GUCY1A2: variants seen among roughly 807,000 people sequenced by gnomAD.
GUCY1A2 encodes the protein guanylate cyclase 1 soluble subunit alpha 2.
GUCY1A2 carries 27 observed loss-of-function variants against 63.5 expected under a neutral mutation model. That is an observed-to-expected ratio of 0.43 (90% CI 0.31 to 0.59). GUCY1A2 has a LOEUF of 0.59. Ranked by LOEUF, GUCY1A2 falls within the 20% of genes least tolerant of loss-of-function variation. The pLI is 0.11. For synonymous variants in GUCY1A2, 364 were observed against 343.5 expected, an observed-to-expected ratio of 1.06 and a Z score of -0.66; for missense variants, 768 against 913.3, an observed-to-expected ratio of 0.84 and a Z score of 2.05.
At chr11:106,839,800 A>G (rs11211943) in intron 4 of GUCY1A2, among the ~76,000 whole-genome samples, 40,580 of 144,966 alleles carry the variant, frequency 0.28, 5,771 homozygotes, top group Admixed American at 0.37. Flanking sequence ...ACAGGTGGGA[A>G]TTGAACAATG....
chr11:106,732,062 T>G (rs749602150), intron 6 of GUCY1A2, among the ~76,000 whole-genome samples: 1 of 152,170 alleles, frequency 6.6e-6, no homozygotes, highest in African/African-American at 2.4e-5. Context: ...AAAATTCATA[T>G]GGAACCAAAA....
At chr11:106,904,775 A>T (rs892834390) in intron 4 of GUCY1A2, among the ~76,000 whole-genome samples, 1 of 152,096 alleles carries the variant, frequency 6.6e-6, no homozygotes, top group Non-Finnish European at 1.5e-5. Flanking sequence ...CTCAAAAAAA[A>T]ACAGAGAGGA....
In GUCY1A2 at chr11:106,749,306, G is replaced by A. The variant is rs181836053; in HGVS notation, c.1836+27133C>T. ...TAAGCGACACATAAATAACTGTAAT[G>A]TATGTATTGTCCACAAGAGAAAATA... On this transcript the variant is annotated intron_variant, in intron 6 of 7. Transcript: ENST00000526355. Among the ~76,000 whole-genome samples, 4 of 152,170 alleles carry A rather than the reference G, an allele frequency of 2.6e-5. No homozygotes were observed. The East Asian group carries it at 5.8e-4, about 22-fold the overall frequency.
chr11:106,722,104 C>T (rs1476531434), intron 6 of GUCY1A2, among the ~76,000 whole-genome samples: 1 of 152,042 alleles, frequency 6.6e-6, no homozygotes, highest in African/African-American at 2.4e-5. Context: ...AAAGGAAATG[C>T]TATGCCAGGC....
At chr11:106,958,020 T>A (rs563000434) in intron 3 of GUCY1A2, among the ~76,000 whole-genome samples, 1 of 152,174 alleles carries the variant, frequency 6.6e-6, no homozygotes, top group Admixed American at 6.6e-5. Context: ...ACAAACAGCA[T>A]TAGATGTTAA....
intron 3 of GUCY1A2, among the ~76,000 whole-genome samples, chr11:106,956,737 C>T (rs1380288581): frequency 6.6e-6 from 1 of 152,134 alleles, no homozygotes; most frequent in Non-Finnish European, 1.5e-5. Flanking sequence ...TCTGACAACC[C>T]CTGTTGGAGG....
At chr11:106,930,633 T>C (rs774462853) in intron 4 of GUCY1A2, among the ~76,000 whole-genome samples, 1 of 152,234 alleles carries the variant, frequency 6.6e-6, no homozygotes, top group Non-Finnish European at 1.5e-5. Flanking sequence ...AAAGTTGCTA[T>C]AGGAAAAAAT....
At chr11:107,011,589 TAA>T (rs1274245108) in intron 1 of GUCY1A2, among the ~76,000 whole-genome samples, 7 of 143,456 alleles carry the variant, frequency 4.9e-5, no homozygotes, top group Admixed American at 2.8e-4. Flanking sequence ...TTATAATATA[TAA>T]ATATATATCT....
chr11:106,978,521 C>T, intron 3 of GUCY1A2, 98 bp downstream of exon 3: 2 of 753,586 alleles, frequency 2.7e-6, no homozygotes, highest in Non-Finnish European at 4.1e-6. Context: ...TTGCCATATT[C>T]TCCACATCTC....
At chr11:106,995,606 G>C (rs59567561) in intron 1 of GUCY1A2, among the ~76,000 whole-genome samples, 1,923 of 152,210 alleles carry the variant, frequency 0.013, 32 homozygotes, top group African/African-American at 0.043. Flanking sequence ...CCTTTTCTCA[G>C]GGCTGTTGAA....
intron 4 of GUCY1A2, among the ~76,000 whole-genome samples, chr11:106,918,152 C>T (rs919065362): frequency 6.9e-6 from 1 of 144,568 alleles, no homozygotes. Flanking sequence ...CAAAACATGC[C>T]TGCAGTTCAC....
rs1370124225 is a variant in GUCY1A2, at chr11:106,836,039, TTGAG to T, written c.1207-25565_1207-25562del. On this transcript the variant is annotated intron_variant, in intron 4 of 7. Transcript: ENST00000526355. Reference sequence around the variant, plus strand: ...CAAGCATCCCAAATGATTCTTTGTATTGAGTGAGTTTAAGAAACAATTATGTAAA... The same window carrying T: ...CAAGCATCCCAAATGATTCTTTGTATTGAGTTTAAGAAACAATTATGTAAA... 6.6e-5 allele frequency among the ~76,000 whole-genome samples: 10 copies of T among 152,096 alleles called. No homozygotes were observed. In the East Asian group the frequency reaches 7.8e-4, roughly 12 times the overall value.
At chr11:106,902,126 T>G (rs187741572) in intron 4 of GUCY1A2, among the ~76,000 whole-genome samples, 7 of 152,180 alleles carry the variant, frequency 4.6e-5, no homozygotes, top group Non-Finnish European at 1.0e-4. Context: ...TTAGCAGGCA[T>G]GCAAACAACA....
At chr11:106,823,622 T>C (rs919500174) in intron 4 of GUCY1A2, among the ~76,000 whole-genome samples, 2 of 152,158 alleles carry the variant, frequency 1.3e-5, no homozygotes, top group Admixed American at 6.5e-5. Context: ...ACAGTGGTTC[T>C]ATTTTTAGTC....
chr11:106,921,035 A>G (rs975302015), intron 4 of GUCY1A2, among the ~76,000 whole-genome samples: 2 of 152,060 alleles, frequency 1.3e-5, no homozygotes, highest in African/African-American at 4.8e-5. Flanking sequence ...TGCAACATGA[A>G]CTAAAGCCAG....
In GUCY1A2 at chr11:106,834,182, T is replaced by C. The variant is rs183699978; in HGVS notation, c.1207-23704A>G. Among the ~76,000 whole-genome samples the C allele has an allele frequency of 1.1e-3, 166 of 152,104 alleles. 1 individual carries two copies. The East Asian group carries it at 0.011, about 10-fold the overall frequency. On this transcript the variant is annotated intron_variant, in intron 4 of 7. Coordinates refer to ENST00000526355, the MANE Select transcript of GUCY1A2 (RefSeq NM_000855.3). Reference sequence around the variant, plus strand: ...AACTTATTCATCTTATACTTGCAAATGTGCACCCTTTGACCAACACCTGCC... The same window carrying C: ...AACTTATTCATCTTATACTTGCAAACGTGCACCCTTTGACCAACACCTGCC...
chr11:106,983,060 G>C (rs1861358265), intron 2 of GUCY1A2, among the ~76,000 whole-genome samples: 1 of 152,172 alleles, frequency 6.6e-6, no homozygotes, highest in African/African-American at 2.4e-5. Flanking sequence ...AGGTGATTCT[G>C]ATGCACATTA....
chr11:106,729,253 G>C (rs751093672), intron 6 of GUCY1A2, among the ~76,000 whole-genome samples: 6 of 152,118 alleles, frequency 3.9e-5, no homozygotes, highest in Non-Finnish European at 8.8e-5. Flanking sequence ...GGAAGAATTG[G>C]TGGGGACTGC....
chr11:106,890,367 A>T (rs1445040842), intron 4 of GUCY1A2, among the ~76,000 whole-genome samples: 2 of 152,172 alleles, frequency 1.3e-5, no homozygotes, highest in East Asian at 3.8e-4. Context: ...TATCAAGAGG[A>T]AAACAGTAGC....
Sources: gnomAD v4.1 joint callset for allele counts (sites outside exome capture counted in the v4.1 genomes callset) on GRCh38, gnomAD v4.1.1 for gene constraint, MANE v1.5 for transcripts, NCBI Gene and HGNC (gene_info 2026-07-23, HGNC 2026-07-21) for gene names.